Variants in STX8 observed in about 807,000 individuals in gnomAD.
The protein encoded by STX8 is syntaxin-8.
In STX8, 23 loss-of-function variants were observed where a neutral mutation model predicts 37.5. The ratio of observed to expected loss-of-function variants is 0.61; its 90% CI spans 0.44 to 0.87. The LOEUF (loss-of-function observed/expected upper bound fraction) is 0.87, where lower values mean the gene tolerates loss of function less well. STX8 is among the 40% of genes least tolerant of loss of function. The pLI is 0.00. For synonymous variants in STX8, 115 were observed against 99.1 expected (o/e 1.16, Z -0.95); for missense variants, 313 against 284.7 (o/e 1.10, Z -0.71).
chr17:9,475,910 G>A (rs567061537), intron 6 of STX8, among the ~76,000 whole-genome samples: 3 of 152,354 alleles, frequency 2.0e-5, no homozygotes, highest in African/African-American at 7.2e-5. Context: ...GCCGCCCGTG[G>A]TGGCTCACGC....
chr17:9,478,404 G>A (rs1906184738), intron 6 of STX8, among the ~76,000 whole-genome samples: 1 of 152,134 alleles, frequency 6.6e-6, no homozygotes, highest in Non-Finnish European at 1.5e-5. Flanking sequence ...CCAAAGTGCT[G>A]GGATTACAGG....
intron 6 of STX8, among the ~76,000 whole-genome samples, chr17:9,458,678 G>A (rs1905259983): frequency 6.6e-6 from 1 of 152,174 alleles, no homozygotes. Flanking sequence ...TATGAAGTAT[G>A]GATCAGAGAG....
At chr17:9,403,640 CTTTTT>C (rs58822740) in intron 6 of STX8, among the ~76,000 whole-genome samples, 1 of 147,550 alleles carries the variant, frequency 6.8e-6, no homozygotes, top group African/African-American at 2.5e-5. Flanking sequence ...TTGAACATCA[CTTTTT>C]TTTTTTTATT....
chr17:9,408,624 A>G (rs1487930741), intron 6 of STX8, among the ~76,000 whole-genome samples: 2 of 152,206 alleles, frequency 1.3e-5, no homozygotes, highest in Non-Finnish European at 2.9e-5. Context: ...GCTTACTCAT[A>G]CATCCTTTCA....
chr17:9,573,394 T>C (rs1387920643), intron 1 of STX8, among the ~76,000 whole-genome samples: 3 of 152,176 alleles, frequency 2.0e-5, no homozygotes, highest in African/African-American at 7.2e-5. Context: ...CTATTGATAA[T>C]AACTCAACCA....
At chr17:9,438,318 C>T (rs1461316634) in intron 6 of STX8, among the ~76,000 whole-genome samples, 2 of 151,632 alleles carry the variant, frequency 1.3e-5, no homozygotes, top group Non-Finnish European at 2.9e-5. Context: ...TACCCCCCTC[C>T]CCCACCCACC....
At chr17:9,277,430 T>C (rs947056464) in intron 7 of STX8, among the ~76,000 whole-genome samples, 5 of 151,970 alleles carry the variant, frequency 3.3e-5, no homozygotes, top group Non-Finnish European at 5.9e-5. Flanking sequence ...TCTCAATGGC[T>C]CATGAAGGCA....
intron 5 of STX8, among the ~76,000 whole-genome samples, chr17:9,494,427 G>T (rs971695077): frequency 2.0e-5 from 3 of 151,524 alleles, no homozygotes; most frequent in African/African-American, 7.2e-5. Flanking sequence ...CCAGGAGTTT[G>T]AGACCAGACT....
At chr17:9,544,039 C>T (rs1340618715) in intron 4 of STX8, among the ~76,000 whole-genome samples, 1 of 152,138 alleles carries the variant, frequency 6.6e-6, no homozygotes, top group Non-Finnish European at 1.5e-5. Context: ...GCCCCTCCAC[C>T]GCAATCCCAC....
chr17:9,545,518 C>A (rs1041950857), intron 3 of STX8, among the ~76,000 whole-genome samples: 11 of 152,318 alleles, frequency 7.2e-5, no homozygotes, highest in African/African-American at 2.6e-4. Context: ...TGACGTGGAT[C>A]ATGACACAAG....
rs1468849762 is a variant in STX8 at position 9,572,964 on chromosome 17, T to G, written c.17+2828A>C. The stretch of plus-strand genomic sequence containing the variant: ...GATAACTGGGGGCCTGTCCCTTATC[T>G]TTGACCTTTATTTCCTACTTGATTT... On this transcript the variant is annotated intron_variant, in intron 1 of 7. Transcript: ENST00000306357. Among the ~76,000 whole-genome samples the G allele has an allele frequency of 3.3e-5, 5 of 152,324 alleles. No homozygotes were observed. The East Asian group carries it at 5.8e-4, about 18-fold the overall frequency.
intron 6 of STX8, among the ~76,000 whole-genome samples, chr17:9,474,367 C>A (rs985727847): frequency 6.6e-6 from 1 of 151,958 alleles, no homozygotes; most frequent in African/African-American, 2.4e-5. Flanking sequence ...TCATGGGAAC[C>A]CCTCAGTTTT....
chr17:9,372,839 C>T (rs1371425918), intron 7 of STX8, among the ~76,000 whole-genome samples: 1 of 146,922 alleles, frequency 6.8e-6, no homozygotes, highest in Non-Finnish European at 1.5e-5. Context: ...CGCGGTGGCT[C>T]ACGCCTGTAA....
chr17:9,301,532 G>A (rs958959299), intron 7 of STX8, among the ~76,000 whole-genome samples: 3 of 151,688 alleles, frequency 2.0e-5, no homozygotes, highest in Non-Finnish European at 2.9e-5. Context: ...GCCCAGGCTG[G>A]AGTGCAGTGG....
chr17:9,266,692 C>T (rs1293826397), intron 7 of STX8, among the ~76,000 whole-genome samples: 2 of 152,024 alleles, frequency 1.3e-5, no homozygotes, highest in African/African-American at 2.4e-5. Flanking sequence ...CTACTTTGGC[C>T]CCCAACTCAT....
At chr17:9,381,102 T>C (rs981914492) in intron 6 of STX8, among the ~76,000 whole-genome samples, 10 of 152,218 alleles carry the variant, frequency 6.6e-5, no homozygotes, top group African/African-American at 9.6e-5. Flanking sequence ...ACCATACATA[T>C]AGCCTAGGCA....
intron 5 of STX8, among the ~76,000 whole-genome samples, chr17:9,498,924 T>C (rs1277137717): frequency 6.6e-6 from 1 of 152,240 alleles, no homozygotes; most frequent in Non-Finnish European, 1.5e-5. Context: ...TTGTTCCTTC[T>C]ATCTCAGGGA....
intron 6 of STX8, among the ~76,000 whole-genome samples, chr17:9,442,091 A>G (rs1430728355): frequency 6.6e-6 from 1 of 152,116 alleles, no homozygotes; most frequent in Non-Finnish European, 1.5e-5. Flanking sequence ...AGAGCACCCC[A>G]CGTGTCTTCG....
At chr17:9,445,427 G>T (rs1238457441) in intron 6 of STX8, among the ~76,000 whole-genome samples, 1 of 146,060 alleles carries the variant, frequency 6.8e-6, no homozygotes, top group Admixed American at 7.0e-5. Flanking sequence ...GACAGTCCAG[G>T]GTCTCAGAAA....
Sources: allele counts gnomAD v4.1 joint callset (sites outside exome capture counted in the v4.1 genomes callset), GRCh38; gene constraint gnomAD v4.1.1; transcripts MANE v1.5; gene names NCBI Gene and HGNC (gene_info 2026-07-23, HGNC 2026-07-21).